CACNA1F: variants seen among roughly 807,000 people sequenced by gnomAD.
CACNA1F encodes the protein voltage-dependent L-type calcium channel subunit alpha-1F.
Under a neutral mutation model 143.8 loss-of-function variants are expected in CACNA1F, and 59 were observed. The observed-to-expected ratio is 0.41, with a 90% CI of 0.33 to 0.51. The LOEUF (loss-of-function observed/expected upper bound fraction) is 0.51. Among genes scored for constraint, CACNA1F ranks in the 20% least tolerant of loss-of-function variants. The pLI is 0.22. For missense variants in CACNA1F, 1,411 were observed against 1,647.5 expected (o/e 0.86, Z 2.48); for synonymous variants, 643 against 649.1 (o/e 0.99, Z 0.14).
At position 49,205,297 on chromosome X, in the gene CACNA1F, A is replaced by G. The variant is rs782430129; in HGVS notation, c.5741T>C (p.Ile1914Thr). Reference protein sequence around the residue: ...PRFVALAKQEIADACRLTLDE... With the variant: ...PRFVALAKQETADACRLTLDE... ...CAGCGTCAGGCGACACGCATCTGCAATCTCCTGCTTGGCCAGGGCCACGAA... is the reference window on the plus strand; with the variant it reads ...CAGCGTCAGGCGACACGCATCTGCAGTCTCCTGCTTGGCCAGGGCCACGAA... Residue 1914 changes from isoleucine (I) to threonine (T), a missense_variant, in exon 48 of 48, where the codon ATT (isoleucine) becomes ACT (threonine). This residue lies in a region of CACNA1F where 349 missense variants were observed against 350.2 expected (regional missense o/e 1.00). Coordinates refer to ENST00000323022, the MANE Select transcript of CACNA1F (RefSeq NM_001256789.3). 2.5e-6 allele frequency: 3 copies of G among 1,210,124 alleles called. No homozygotes were observed. The South Asian group carries it at 5.3e-5, about 21-fold the overall frequency.
chrX:49,210,538 C>A, intron 38 of CACNA1F, 52 bp downstream of exon 38: 1 of 1,110,550 alleles, frequency 9.0e-7, no homozygotes, highest in South Asian at 1.9e-5. Context: ...CCCACCCTTG[C>A]CATGTGATAG....
rs886039559 is a variant in CACNA1F, at chrX:49,224,798, G to A, written c.1840C>T (p.Arg614Ter). Reference protein sequence around the residue: ...AMQPLGISVLRCVRLLRIFKV... With the variant: ...AMQPLGISVL The stretch of plus-strand genomic sequence containing the variant: ...AAGATCCTGAGGAGGCGCACACATC[G>A]GAGCACTGAGATGCCCAAGGGCTGC... Residue 614 changes from arginine (R) to a stop codon, truncating the protein, a stop_gained, in exon 14 of 48, where the codon CGA becomes TGA. Transcript: ENST00000323022. LOFTEE classifies it high-confidence loss of function. 2.5e-6 allele frequency: 3 copies of A among 1,190,525 alleles called. No individual in the cohort carries two copies. Among genetic ancestry groups the A allele is most frequent in the African/African-American group, 1.8e-5 (1 of 57,132 alleles).
intron 9 of CACNA1F, 30 bp from the exon 10 acceptor site, chrX:49,226,732 G>C (rs1178982002): frequency 8.9e-7 from 1 of 1,117,561 alleles, no homozygotes; most frequent in African/African-American, 1.8e-5. Context: ...AATTAGGGAG[G>C]ACATACTGGG....
At position 49,205,612 on chromosome X, in the gene CACNA1F, TCA is replaced by T. The variant is rs782112274; in HGVS notation, c.5670+2_5670+3del. On this transcript the variant is annotated splice_donor_variant and splice_donor_region_variant and intron_variant, in intron 47 of 47. Coordinates refer to ENST00000323022, the MANE Select transcript of CACNA1F (RefSeq NM_001256789.3). LOFTEE classifies it high-confidence loss of function. ...CGTCTTGTCTATATGCCCTCTGGAC[TCA>T]CAGCCTCCACCAAGCTGTCGGCACT... 1.5e-5 allele frequency: 18 copies of T among 1,198,489 alleles called. No individual in the cohort carries two copies. In the African/African-American group the frequency reaches 3.2e-4, roughly 21 times the overall value.
At position 49,233,294 on chromosome X, in the gene CACNA1F, C is replaced by G. The variant is rs1557111693; in HGVS notation, c.16G>C (p.Gly6Arg). Residue 6 changes from glycine (G) to arginine (R), a missense_variant, in exon 1 of 48, where the codon GGC becomes CGC. Around this residue, in one of 3 missense-constraint regions of CACNA1F, gnomAD observed 950 missense variants for 1,128.1 expected, o/e 0.84. Coordinates refer to ENST00000323022, the MANE Select transcript of CACNA1F (RefSeq NM_001256789.3). MSESE[G>R]GKDTTPEPSP... ...GGAAGGATTCTCTCACCTTTCCCGC[C>G]TTCAGATTCCGACATCTTTCTTTCG... 3.3e-6 allele frequency: 4 copies of G among 1,208,334 alleles called. No homozygotes were observed. The Admixed American group carries it at 8.7e-5, about 26-fold the overall frequency.
At chrX:49,216,719 T>C (rs2065721260) in intron 26 of CACNA1F, among the ~76,000 whole-genome samples, 191 bp from the exon 27 acceptor site, 1 of 111,738 alleles carries the variant, frequency 8.9e-6, no homozygotes, top group Non-Finnish European at 1.9e-5. Context: ...TTCCCCATTC[T>C]AAGAAATAAG....
rs782379230 is a variant in CACNA1F, at chrX:49,205,208, C to T, written c.5830G>A (p.Glu1944Lys). The T allele has an allele frequency of 4.1e-5, 50 of 1,209,205 alleles. No individual in the cohort carries two copies. Among genetic ancestry groups the T allele is most frequent in the Non-Finnish European group, 5.4e-5 (48 of 894,698 alleles). The change falls in exon 48 of 48, where the codon GAG becomes AAG. Residue 1944 changes from glutamate (E) to lysine (K), a missense_variant. By Grantham distance (56) the Glu-to-Lys change is moderately conservative. Transcript: ENST00000323022. ...TCGAAGCGGGAGAGGATGGACTCCT[C>T]GTCGCTATAGAGAGAGCTGGTTCCC... is the stretch of plus-strand genomic sequence containing the variant. ...AQGTSSLYSD[E>K]ESILSRFDEE...
chrX:49,216,993 ACT>A (rs2065723926), intron 26 of CACNA1F, among the ~76,000 whole-genome samples: 1 of 110,427 alleles, frequency 9.1e-6, no homozygotes, highest in Admixed American at 9.6e-5. Flanking sequence ...CTTGAAAAAG[ACT>A]CTGCCCAGGC....
Position 49,206,827 on chromosome X carries a change from T to TC in CACNA1F, c.5259dup (p.Thr1754AspfsTer51), listed in dbSNP as rs1557105031. ...GGCAAAAGGACTGAGCACGGGGGAG[T>TC]CCCTGCCTGCTCATCTAGGTAGGAA... On this transcript the variant is annotated frameshift_variant, in exon 45 of 48. Coordinates refer to ENST00000323022, the MANE Select transcript of CACNA1F (RefSeq NM_001256789.3). LOFTEE classifies it high-confidence loss of function. The TC allele has an allele frequency of 1.7e-6, 2 of 1,193,370 alleles. No homozygotes were observed. The highest frequency in any genetic ancestry group is 3.0e-5 in the East Asian group (1 of 33,341).
rs377120701 is a variant in CACNA1F at position 49,231,068 on chromosome X, T to C, written c.382-79A>G. 6.5e-5 allele frequency: 56 copies of C among 865,625 alleles called. No individual in the cohort carries two copies. In the African/African-American group the frequency reaches 9.1e-4, roughly 14 times the overall value. The allele number at this position is 865,625 out of a possible 1,213,427, so 71.3% of individuals were successfully genotyped here. ...AGGTTTGACGGGGGCGTGGGGAGCA[T>C]AGTCAGGACCGAGGGTGGGGCTGAG... On this transcript the variant is annotated intron_variant, in intron 3 of 47. Coordinates refer to ENST00000323022, the MANE Select transcript of CACNA1F (RefSeq NM_001256789.3).
At chrX:49,226,585 C>G (rs1014633196) in intron 10 of CACNA1F, 25 bp downstream of exon 10, 33 of 1,165,118 alleles carry the variant, frequency 2.8e-5, no homozygotes, top group Non-Finnish European at 3.7e-5. Flanking sequence ...TACCCACCCC[C>G]ACCCCAGCCT....
At chrX:49,227,904 A>G in intron 8 of CACNA1F, 132 bp downstream of exon 8, 1 of 528,422 alleles carries the variant, frequency 1.9e-6, no homozygotes, top group Non-Finnish European at 3.4e-6. Context: ...GGTGCCTCAC[A>G]TACAATAGAT....
At position 49,231,269 on chromosome X, in the gene CACNA1F, T is replaced by C; in HGVS notation, c.314A>G (p.Asn105Ser). Reference sequence around the variant, plus strand: ...GATGTAAACTCCCAGGGCCACGCAGTTGGCAAAGATGGTCAGCAGGATGAG... The same window carrying C: ...GATGTAAACTCCCAGGGCCACGCAGCTGGCAAAGATGGTCAGCAGGATGAG... ...DILILLTIFA[N>S]CVALGVYIPF... The change falls in exon 3 of 48, where the codon AAC becomes AGC. Residue 105 changes from asparagine (N) to serine (S), a missense_variant. Asn to Ser is a conservative substitution (Grantham distance 46). Coordinates refer to ENST00000323022, the MANE Select transcript of CACNA1F (RefSeq NM_001256789.3). 1.7e-6 allele frequency: 2 copies of C among 1,166,637 alleles called. No homozygotes were observed. Among genetic ancestry groups the C allele is most frequent in the Non-Finnish European group, 2.3e-6 (2 of 871,581 alleles).
chrX:49,212,860 G>A, intron 32 of CACNA1F, 65 bp from the exon 33 acceptor site: 1 of 1,184,145 alleles, frequency 8.4e-7, no homozygotes, highest in Non-Finnish European at 1.1e-6. Flanking sequence ...CCTATCTCAT[G>A]CTTTGGCCCT....
chrX:49,206,392 CAAAAAAAAA>C (rs1168190548), intron 46 of CACNA1F, 110 bp downstream of exon 46: 2 of 166,545 alleles, frequency 1.2e-5, no homozygotes, highest in African/African-American at 1.2e-4. Flanking sequence ...AACTCTGTCT[CAAAAAAAAA>C]AAAAAAAAAA....
At chrX:49,217,733 C>G (rs782467211) in intron 26 of CACNA1F, 22 bp downstream of exon 26, 1 of 1,196,099 alleles carries the variant, frequency 8.4e-7, no homozygotes, top group East Asian at 3.0e-5. Flanking sequence ...GCTCCGTGGA[C>G]GGCAGGGTCT....
At chrX:49,221,811 C>A (rs1557108813) in intron 17 of CACNA1F, among the ~76,000 whole-genome samples, 1 of 107,614 alleles carries the variant, frequency 9.3e-6, no homozygotes, top group East Asian at 3.0e-4. Flanking sequence ...GAAACCCCAT[C>A]TCTACTAAAA....
intron 43 of CACNA1F, 104 bp downstream of exon 43, chrX:49,208,411 G>T: frequency 2.4e-6 from 1 of 414,477 alleles, no homozygotes; most frequent in Non-Finnish European, 4.3e-6. Flanking sequence ...AGGCCTCTAG[G>T]CCCTCCCTCC....
At chrX:49,223,166 G>A in intron 14 of CACNA1F, 30 bp from the exon 15 acceptor site, 2 of 1,005,746 alleles carry the variant, frequency 2.0e-6, no homozygotes, top group Non-Finnish European at 2.8e-6. Flanking sequence ...GGGCAGGGTC[G>A]ATGCCATGTC....
Sources: gnomAD v4.1 joint callset for allele counts (sites outside exome capture counted in the v4.1 genomes callset) on GRCh38, gnomAD v4.1.1 for gene constraint, gnomAD v4.1.1 regional missense constraint, MANE v1.5 for transcripts, NCBI Gene and HGNC (gene_info 2026-07-23, HGNC 2026-07-21) for gene names.